Variants in PDZD2 observed in about 807,000 individuals in gnomAD.
The protein encoded by PDZD2 is PDZ domain containing 2.
In PDZD2, 90 loss-of-function variants were observed where a neutral mutation model predicts 220.7. The observed-to-expected ratio is 0.41, with a 90% CI of 0.34 to 0.49. PDZD2 has a LOEUF of 0.49. Among genes scored for constraint, PDZD2 ranks in the 20% least tolerant of loss-of-function variants. The probability of loss-of-function intolerance (pLI) is 0.28; values close to 1 mark genes in which losing one functional copy is unlikely to be tolerated. For synonymous variants in PDZD2, 1,375 were observed against 1,450.5 expected (o/e 0.95, Z 1.18); for missense variants, 3,174 against 3,608.5 (o/e 0.88, Z 3.08).
At chr5:31,755,028 G>A (rs1238713178) in intron 1 of PDZD2, among the ~76,000 whole-genome samples, 1 of 152,214 alleles carries the variant, frequency 6.6e-6, no homozygotes, top group Non-Finnish European at 1.5e-5. Flanking sequence ...GAAGGATGTT[G>A]ATGTTGTGTG....
chr5:31,844,408 A>C (rs1284203368), intron 2 of PDZD2, among the ~76,000 whole-genome samples: 1 of 152,218 alleles, frequency 6.6e-6, no homozygotes, highest in African/African-American at 2.4e-5. Flanking sequence ...ACCATAAAGG[A>C]ATATCTTCAA....
rs534267433 is a variant in PDZD2 at position 32,028,012 on chromosome 5, G to T, written c.1408-9219G>T. Among the ~76,000 whole-genome samples, 3 of 152,266 alleles carry T rather than the reference G, an allele frequency of 2.0e-5. No individual in the cohort carries two copies. In the East Asian group the frequency reaches 5.8e-4, roughly 29 times the overall value. On this transcript the variant is annotated intron_variant, in intron 6 of 24. Coordinates refer to ENST00000438447, the MANE Select transcript of PDZD2 (RefSeq NM_178140.4). ...CAACAGAGCTTCCTGGGGATTTGGA[G>T]CTTAGATGTCTTCTGTCACATCTGC... is the stretch of plus-strand genomic sequence containing the variant.
intron 2 of PDZD2, among the ~76,000 whole-genome samples, chr5:31,977,081 C>T (rs531420803): frequency 2.7e-5 from 4 of 150,890 alleles, no homozygotes; most frequent in South Asian, 4.2e-4. Context: ...TGGTCTTGAA[C>T]GCCTGGGCTC....
chr5:31,773,975 A>G (rs1027041412), intron 1 of PDZD2, among the ~76,000 whole-genome samples: 1 of 152,190 alleles, frequency 6.6e-6, no homozygotes, highest in Non-Finnish European at 1.5e-5. Context: ...GTCGACACCT[A>G]GAGGAATGGT....
intron 7 of PDZD2, among the ~76,000 whole-genome samples, chr5:32,041,881 A>G (rs1174464902): frequency 1.4e-5 from 2 of 147,072 alleles, no homozygotes; most frequent in African/African-American, 5.0e-5. Flanking sequence ...CAACAAAACT[A>G]TAGGTAAATA....
At chr5:31,877,798 T>C (rs546359635) in intron 2 of PDZD2, among the ~76,000 whole-genome samples, 4 of 152,268 alleles carry the variant, frequency 2.6e-5, no homozygotes, top group Admixed American at 2.0e-4. Context: ...CAAGTGATTA[T>C]CCTACCTCAC....
intron 2 of PDZD2, among the ~76,000 whole-genome samples, chr5:31,853,175 T>A (rs533865716): frequency 6.6e-6 from 1 of 152,134 alleles, no homozygotes; most frequent in South Asian, 2.1e-4. Context: ...CCTTATAATA[T>A]GTGTAAGCCA....
intron 1 of PDZD2, among the ~76,000 whole-genome samples, chr5:31,694,104 A>C (rs562641072): frequency 6.6e-6 from 1 of 152,210 alleles, no homozygotes; most frequent in Non-Finnish European, 1.5e-5. Context: ...TGTCAGGAAC[A>C]AAACAGTGCT....
At chr5:31,833,244 AGATT>A (rs1043405559) in intron 2 of PDZD2, among the ~76,000 whole-genome samples, 1 of 152,126 alleles carries the variant, frequency 6.6e-6, no homozygotes, top group Non-Finnish European at 1.5e-5. Flanking sequence ...TGAGGTAGGC[AGATT>A]GCTTGAGTCC....
chr5:31,872,794 G>A (rs1738943615), intron 2 of PDZD2, among the ~76,000 whole-genome samples: 1 of 152,022 alleles, frequency 6.6e-6, no homozygotes, highest in Non-Finnish European at 1.5e-5. Context: ...ATGTGTGTGT[G>A]TACAGTCATG....
At chr5:31,726,002 C>G (rs1749108390) in intron 1 of PDZD2, 1 of 458,514 alleles carries the variant, frequency 2.2e-6, no homozygotes, top group African/African-American at 2.0e-5. Flanking sequence ...GTCTTCCCTG[C>G]AGATGCATAA....
rs67321443 is a variant in PDZD2 at position 31,763,870 on chromosome 5, T to TAAA, written c.-360-35003_-360-35001dup. Reference sequence around the variant, plus strand: ...AAAGGAGAGGAGGGAGCCCTCTGATTAAAAAAAAAAAAAAAAAAGTCATAG... The same window carrying TAAA: ...AAAGGAGAGGAGGGAGCCCTCTGATTAAAAAAAAAAAAAAAAAAAAAGTCATAG... On this transcript the variant is annotated intron_variant, in intron 1 of 24. Transcript: ENST00000438447. 6.5e-3 allele frequency among the ~76,000 whole-genome samples: 895 copies of TAAA among 137,526 alleles called. 11 individuals are homozygous for TAAA. Among genetic ancestry groups the TAAA allele is most frequent in the African/African-American group, 0.023 (861 of 37,072 alleles). The allele number at this position is 137,526 out of a possible 152,430, so 90.2% of individuals were successfully genotyped here. A position where few individuals can be genotyped will look rare whatever the true frequency, so the allele number is the denominator to read the frequency against.
Position 32,098,722 on chromosome 5 carries a change from A to C in PDZD2, c.8218+88A>C. 8.4e-7 allele frequency: 1 copy of C among 1,190,762 alleles called. No individual in the cohort carries two copies. The highest frequency in any genetic ancestry group is 1.2e-6 in the Non-Finnish European group (1 of 852,672). 73.8% of individuals were successfully genotyped at this position (1,190,762 alleles called of 1,614,324 possible). ...TGAACATGAAGGAAAATAACAGCTAACTAACTTCTAGATCTGAAAAATTAA... is the reference window on the plus strand; with the variant it reads ...TGAACATGAAGGAAAATAACAGCTACCTAACTTCTAGATCTGAAAAATTAA... On this transcript the variant is annotated intron_variant, in intron 23 of 24. Transcript: ENST00000438447. This position sits in a 1 kb window ranked among gnomAD's most constrained non-coding sequence, Gnocchi z 4.1.
chr5:31,802,945 G>C (rs999994597), intron 2 of PDZD2, among the ~76,000 whole-genome samples: 4 of 139,094 alleles, frequency 2.9e-5, no homozygotes, highest in African/African-American at 8.3e-5. Context: ...AAAAAAAGAC[G>C]CGCACACATG....
intron 1 of PDZD2, among the ~76,000 whole-genome samples, chr5:31,757,358 G>A (rs1751356893): frequency 1.3e-5 from 2 of 152,144 alleles, no homozygotes; most frequent in South Asian, 2.1e-4. Context: ...TTGGGAGGCC[G>A]AGGCGAGCAG....
At chr5:31,989,182 T>C (rs2111917744) in intron 3 of PDZD2, among the ~76,000 whole-genome samples, 1 of 152,300 alleles carries the variant, frequency 6.6e-6, no homozygotes, top group East Asian at 1.9e-4. Flanking sequence ...TAGATAATTT[T>C]TTAGCTCTCA....
At chr5:31,850,228 A>G (rs936480095) in intron 2 of PDZD2, among the ~76,000 whole-genome samples, 7 of 91,832 alleles carry the variant, frequency 7.6e-5, no homozygotes, top group South Asian at 7.1e-4. Context: ...ATATATAAGT[A>G]TATATATATA....
At chr5:31,816,180 C>T (rs920677494) in intron 2 of PDZD2, among the ~76,000 whole-genome samples, 7 of 151,104 alleles carry the variant, frequency 4.6e-5, no homozygotes, top group Non-Finnish European at 8.8e-5. Flanking sequence ...CCCAGCTACT[C>T]GGGAGGCTGA....
chr5:32,017,922 C>T (rs1394571639), intron 6 of PDZD2, among the ~76,000 whole-genome samples: 1 of 152,124 alleles, frequency 6.6e-6, no homozygotes, highest in Non-Finnish European at 1.5e-5. Flanking sequence ...CTGCAGGGAA[C>T]CTTGGGGAGT....
Sources: gnomAD v4.1 joint callset for allele counts (sites outside exome capture counted in the v4.1 genomes callset) on GRCh38, gnomAD v4.1.1 for gene constraint, Gnocchi (gnomAD v3.1) non-coding constraint, MANE v1.5 for transcripts, NCBI Gene and HGNC (gene_info 2026-07-23, HGNC 2026-07-21) for gene names.